The following DTNA variants were observed in gnomAD, a reference collection of about 807,000 sequenced individuals.
The protein encoded by DTNA is dystrophin-related protein 3.
In DTNA, 43 loss-of-function variants were observed where a neutral mutation model predicts 100.7. The ratio of observed to expected loss-of-function variants is 0.43; its 90% confidence interval spans 0.33 to 0.55. DTNA has a LOEUF of 0.55. Ranked by LOEUF, DTNA falls within the 20% of genes least tolerant of loss-of-function variation. The pLI is 0.04. For missense variants in DTNA, 798 were observed against 953.9 expected (o/e 0.84, Z 2.15); for synonymous variants, 349 against 347.9 (o/e 1.00, Z -0.04).
intron 1 of DTNA, among the ~76,000 whole-genome samples, chr18:34,687,870 T>C (rs2079134359): frequency 6.6e-6 from 1 of 152,242 alleles, no homozygotes; most frequent in Non-Finnish European, 1.5e-5. Flanking sequence ...CTTGTTGCAT[T>C]GATCCCTTTA....
At chr18:34,729,713 A>G (rs1181247162) in intron 1 of DTNA, among the ~76,000 whole-genome samples, 6 of 152,238 alleles carry the variant, frequency 3.9e-5, no homozygotes, top group African/African-American at 1.4e-4. Flanking sequence ...TCAAAGATAC[A>G]AAAGTAAACA....
chr18:34,745,978 CTT>C (rs1568388831), intron 1 of DTNA, among the ~76,000 whole-genome samples: 1 of 152,138 alleles, frequency 6.6e-6, no homozygotes, highest in African/African-American at 2.4e-5. Flanking sequence ...GTTGCAGCCT[CTT>C]TGTTGGGATG....
At position 34,811,326 on chromosome 18, in the gene DTNA, TC is replaced by T. The variant is rs369770250; in HGVS notation, c.449-631del. Among the ~76,000 whole-genome samples, 163 of 152,304 alleles carry T rather than the reference TC, an allele frequency of 1.1e-3. 1 individual carries two copies. Among genetic ancestry groups the T allele is most frequent in the African/African-American group, 3.9e-3 (161 of 41,564 alleles). ...CATTGATCATCCACAAGACCAGGCTTCCTCTTCACTACACGAGTCAGAAAAC... is the reference window on the plus strand; with the variant it reads ...CATTGATCATCCACAAGACCAGGCTTCTCTTCACTACACGAGTCAGAAAAC... On this transcript the variant is annotated intron_variant, in intron 5 of 22. Coordinates refer to ENST00000444659, the MANE Select transcript of DTNA (RefSeq NM_001386795.1).
At chr18:34,869,744 G>A (rs1479824016) in intron 17 of DTNA, among the ~76,000 whole-genome samples, 1 of 152,194 alleles carries the variant, frequency 6.6e-6, no homozygotes, top group Non-Finnish European at 1.5e-5. Flanking sequence ...AACTAAGGCC[G>A]TGCACGGTGG....
At chr18:34,863,532 A>C (rs1357437160) in intron 16 of DTNA, among the ~76,000 whole-genome samples, 1 of 152,228 alleles carries the variant, frequency 6.6e-6, no homozygotes, top group Admixed American at 6.5e-5. Flanking sequence ...TATATTTCCA[A>C]ATACTAAGGT....
chr18:34,757,752 T>C (rs955153209), intron 2 of DTNA, among the ~76,000 whole-genome samples: 10 of 152,328 alleles, frequency 6.6e-5, no homozygotes, highest in African/African-American at 2.4e-4. Context: ...AGGAAAATTG[T>C]GCATTCGGTT....
At chr18:34,557,046 A>G (rs973777454) in intron 1 of DTNA, among the ~76,000 whole-genome samples, 13 of 150,466 alleles carry the variant, frequency 8.6e-5, no homozygotes, top group Non-Finnish European at 1.6e-4. Flanking sequence ...ATAGTCCCAT[A>G]TTTCTTGGAG....
intron 1 of DTNA, among the ~76,000 whole-genome samples, chr18:34,633,202 T>C (rs1473519986): frequency 6.6e-6 from 1 of 152,134 alleles, no homozygotes; most frequent in East Asian, 1.9e-4. Flanking sequence ...GAGTTAATTA[T>C]TTGGAACTCA....
At chr18:34,877,545 G>A (rs186590579) in intron 18 of DTNA, among the ~76,000 whole-genome samples, 174 bp from the exon 19 acceptor site, 1 of 152,168 alleles carries the variant, frequency 6.6e-6, no homozygotes, top group East Asian at 1.9e-4. Flanking sequence ...CCTAAGCAGT[G>A]TTTTGTTGTT....
At chr18:34,540,923 T>C (rs2044186944) in intron 1 of DTNA, among the ~76,000 whole-genome samples, 1 of 152,062 alleles carries the variant, frequency 6.6e-6, no homozygotes, top group South Asian at 2.1e-4. Context: ...AGGTAGGGTT[T>C]TCATCTTGCA....
At chr18:34,866,181 C>G in intron 17 of DTNA, 1 of 1,614,102 alleles carries the variant, frequency 6.2e-7, no homozygotes. Flanking sequence ...GAGGGGCCTG[C>G]CGACCTGCGG....
At chr18:34,772,430 A>G (rs745631255) in intron 3 of DTNA, among the ~76,000 whole-genome samples, 18 of 152,214 alleles carry the variant, frequency 1.2e-4, no homozygotes, top group Non-Finnish European at 2.1e-4. Flanking sequence ...ATGTTTCTCT[A>G]TCACCATAAA....
chr18:34,577,016 A>T (rs1034360286), intron 1 of DTNA, among the ~76,000 whole-genome samples: 1 of 152,142 alleles, frequency 6.6e-6, no homozygotes, highest in Admixed American at 6.5e-5. Context: ...ACCCCAGTTT[A>T]TTGTGGGTCA....
intron 2 of DTNA, among the ~76,000 whole-genome samples, chr18:34,761,401 CA>C (rs138279044): frequency 0.058 from 8,794 of 151,880 alleles, 366 homozygotes; most frequent in East Asian, 0.1. Flanking sequence ...AAGCTAAAAC[CA>C]AAAGTTAGAT....
intron 3 of DTNA, among the ~76,000 whole-genome samples, chr18:34,784,076 C>G (rs2094430959): frequency 6.6e-6 from 1 of 152,010 alleles, no homozygotes; most frequent in Non-Finnish European, 1.5e-5. Context: ...CTAGGGATGC[C>G]CTGGCCACAC....
chr18:34,559,583 C>G (rs189820880), intron 1 of DTNA, among the ~76,000 whole-genome samples: 2 of 152,176 alleles, frequency 1.3e-5, no homozygotes. Context: ...CCTGGTTTCA[C>G]TCTTTGGTAT....
At chr18:34,864,162 A>T (rs2096664335) in intron 17 of DTNA, 100 bp downstream of exon 17, 2 of 1,014,304 alleles carry the variant, frequency 2.0e-6, no homozygotes, top group Admixed American at 2.1e-5. Flanking sequence ...GCTGTATGTG[A>T]TTTCCCTCAA....
intron 19 of DTNA, among the ~76,000 whole-genome samples, chr18:34,878,878 A>G (rs906798613): frequency 2.6e-5 from 4 of 152,198 alleles, no homozygotes; most frequent in Non-Finnish European, 5.9e-5. Flanking sequence ...TGAGATTGCA[A>G]CTATAAGAAA....
chr18:34,761,768 G>A (rs2093186777), intron 2 of DTNA, among the ~76,000 whole-genome samples: 1 of 152,078 alleles, frequency 6.6e-6, no homozygotes, highest in African/African-American at 2.4e-5. Flanking sequence ...AGAGAAAATA[G>A]TATTTATCTC....
Sources: gnomAD v4.1 joint callset for allele counts (sites outside exome capture counted in the v4.1 genomes callset) on GRCh38, gnomAD v4.1.1 for gene constraint, MANE v1.5 for transcripts, NCBI Gene and HGNC (gene_info 2026-07-23, HGNC 2026-07-21) for gene names.